CRYBA4: variants seen among roughly 807,000 people sequenced by gnomAD.
The protein encoded by CRYBA4 is beta-crystallin A4.
Under a neutral mutation model 31.7 loss-of-function variants are expected in CRYBA4, and 30 were observed. That is an observed-to-expected ratio of 0.95 (90% CI 0.71 to 1.28). The LOEUF is 1.28. CRYBA4 is among the 50% of genes most tolerant of loss of function. The pLI, the probability that CRYBA4 is intolerant of heterozygous loss-of-function variation, is 0.00. For synonymous variants in CRYBA4, 102 were observed against 102.3 expected (o/e 1.00, Z 0.02); for missense variants, 225 against 260.7 (o/e 0.86, Z 0.94).
At chr22:26,602,636 C>T in the CRYBA4 span, among the ~76,000 whole-genome samples, 1 of 151,548 alleles carries the variant, frequency 6.6e-6, no homozygotes, top group African/African-American at 2.4e-5. Flanking sequence ...TGATCAGGGA[C>T]AAAAAGGCTC....
rs757640333 is a variant in CRYBA4, at chr22:26,623,299, C to A, written c.105C>A (p.Ser35Arg). 6.2e-7 allele frequency: 1 copy of A among 1,614,038 alleles called. No homozygotes were observed. ...ACGAGTTCACGGCCGAGTGCCCCAG[C>A]GTGCTGGAGCTTGGCTTCGAGACTG... ...RRHEFTAECP[S>R]VLELGFETVR... Residue 35 changes from serine (S) to arginine (R), a missense_variant, in exon 3 of 6, where the codon AGC becomes AGA. Transcript: ENST00000354760.
Position 26,629,606 on chromosome 22 carries a change from C to T in CRYBA4, c.444-734C>T, listed in dbSNP as rs991738982. On this transcript the variant is annotated intron_variant, in intron 5 of 5. Coordinates refer to ENST00000354760, the MANE Select transcript of CRYBA4 (RefSeq NM_001886.3). ...AAAATACAAAAAATTAGCTGGGTGT[C>T]GTGGCTATGCCTCTAGTCCCAGCCA... is the stretch of plus-strand genomic sequence containing the variant. 5.9e-5 allele frequency among the ~76,000 whole-genome samples: 9 copies of T among 151,846 alleles called. No homozygotes were observed. The South Asian group carries it at 6.2e-4, about 11-fold the overall frequency.
chr22:26,630,582 A>G lies in CRYBA4; in HGVS notation c.*95A>G. On this transcript the variant is annotated 3_prime_UTR_variant, in exon 6 of 6. Coordinates refer to ENST00000354760, the MANE Select transcript of CRYBA4 (RefSeq NM_001886.3). ...GTTCTCTCCTTCTGCCTCCCCCTGTAACCTGTGTGAACCCAGCACCCATGT... is the reference window on the plus strand; with the variant it reads ...GTTCTCTCCTTCTGCCTCCCCCTGTGACCTGTGTGAACCCAGCACCCATGT... 1 of 1,047,650 alleles carries G rather than the reference A, an allele frequency of 9.5e-7. No individual in the cohort carries two copies. 64.9% of individuals were successfully genotyped at this position (1,047,650 alleles called of 1,614,324 possible).
the CRYBA4 span, among the ~76,000 whole-genome samples, chr22:26,594,406 T>G: frequency 2.0e-5 from 3 of 152,212 alleles, no homozygotes; most frequent in Admixed American, 6.5e-5. Flanking sequence ...GTTGGGCTTA[T>G]GCTCCAATGT....
the CRYBA4 span, among the ~76,000 whole-genome samples, chr22:26,602,590 C>CA: frequency 0.012 from 1,626 of 132,214 alleles, 24 homozygotes; most frequent in African/African-American, 0.042. Context: ...GACCCTGTCT[C>CA]AAAAAAAAAA....
chr22:26,603,501 G>A, the CRYBA4 span, among the ~76,000 whole-genome samples: 26,793 of 151,898 alleles, frequency 0.18, 3,090 homozygotes, highest in East Asian at 0.37. Flanking sequence ...CTGCACTCCA[G>A]CCTGGGCGAC....
chr22:26,600,228 C>T, the CRYBA4 span, among the ~76,000 whole-genome samples: 8 of 151,942 alleles, frequency 5.3e-5, no homozygotes, highest in East Asian at 1.9e-4. Context: ...AGTGAAACCC[C>T]GTCTCTACTA....
At chr22:26,611,623 C>T in the CRYBA4 span, among the ~76,000 whole-genome samples, 3 of 151,866 alleles carry the variant, frequency 2.0e-5, no homozygotes, top group African/African-American at 4.8e-5. Context: ...TACAGGCGCC[C>T]GCCACCACGC....
At chr22:26,604,053 G>A in the CRYBA4 span, among the ~76,000 whole-genome samples, 2 of 152,188 alleles carry the variant, frequency 1.3e-5, no homozygotes, top group African/African-American at 4.8e-5. Context: ...TTATTTCTGA[G>A]GGCAGGGATC....
chr22:26,620,844 T>C (rs1964090662), upstream of CRYBA4, among the ~76,000 whole-genome samples: 1 of 152,192 alleles, frequency 6.6e-6, no homozygotes, highest in African/African-American at 2.4e-5. Context: ...ATTACAGGCG[T>C]GAGCCATTGC....
the CRYBA4 span, among the ~76,000 whole-genome samples, chr22:26,592,223 A>G: frequency 6.6e-6 from 1 of 152,220 alleles, no homozygotes; most frequent in African/African-American, 2.4e-5. Context: ...GTGGATGAAA[A>G]AAATGGAGTT....
At chr22:26,620,074 G>C (rs192217108), upstream of CRYBA4, among the ~76,000 whole-genome samples, 1 of 149,118 alleles carries the variant, frequency 6.7e-6, no homozygotes, top group South Asian at 2.1e-4. Flanking sequence ...CCCCAATTAC[G>C]GATAAGGAAA....
the CRYBA4 span, chr22:26,596,814 G>C: frequency 6.6e-6 from 1 of 152,216 alleles, no homozygotes; most frequent in Non-Finnish European, 1.5e-5. Context: ...ATAAATATCA[G>C]AACCTTAGAG....
In CRYBA4 at chr22:26,625,349, C is replaced by A. The variant is rs977485016; in HGVS notation, c.159-132C>A. On this transcript the variant is annotated intron_variant, in intron 3 of 5. Transcript: ENST00000354760. ...GACAACCAAAAATGTCTCCAGCCAT[C>A]GTCAAGTGTTTCCTGGGGGCACAGT... 5.8e-6 allele frequency: 6 copies of A among 1,039,310 alleles called. No homozygotes were observed. The Admixed American group carries it at 8.9e-5, about 15-fold the overall frequency. The allele number at this position is 1,039,310 out of a possible 1,614,324, so 64.4% of individuals were successfully genotyped here.
chr22:26,600,144 G>A, the CRYBA4 span, among the ~76,000 whole-genome samples: 5 of 152,182 alleles, frequency 3.3e-5, no homozygotes, highest in Non-Finnish European at 7.3e-5. Context: ...GCTCAAGCCT[G>A]TAATCCCAGC....
At chr22:26,594,244 TC>T in the CRYBA4 span, among the ~76,000 whole-genome samples, 1 of 152,318 alleles carries the variant, frequency 6.6e-6, no homozygotes, top group African/African-American at 2.4e-5. Flanking sequence ...AGAAGGCTCA[TC>T]TCTTTAGAAC....
chr22:26,607,774 G>T, the CRYBA4 span: 1 of 1,432,026 alleles, frequency 7.0e-7, no homozygotes, highest in South Asian at 1.2e-5. Context: ...CAACTCGGAG[G>T]CTGCCACGCC....
At chr22:26,615,371 C>CT in the CRYBA4 span, among the ~76,000 whole-genome samples, 4 of 151,594 alleles carry the variant, frequency 2.6e-5, no homozygotes, top group Non-Finnish European at 2.9e-5. Flanking sequence ...TCCTTTTCTT[C>CT]TTTTTTTTTC....
the CRYBA4 span, among the ~76,000 whole-genome samples, chr22:26,598,311 C>T: frequency 0.96 from 146,873 of 152,336 alleles, 70,847 homozygotes; most frequent in East Asian, 1. Context: ...ATTTATACGA[C>T]TGCCTGCTTC....
Sources: gnomAD v4.1 joint callset for allele counts (sites outside exome capture counted in the v4.1 genomes callset) on GRCh38, gnomAD v4.1.1 for gene constraint, MANE v1.5 for transcripts, NCBI Gene and HGNC (gene_info 2026-07-23, HGNC 2026-07-21) for gene names.